The following CYBRD1 variants were observed in gnomAD, a reference collection of about 807,000 sequenced individuals.
CYBRD1 encodes the protein plasma membrane ascorbate-dependent reductase CYBRD1.
In CYBRD1, 14 loss-of-function variants were observed where a neutral mutation model predicts 21.9. That is an observed-to-expected ratio of 0.64 (90% CI 0.42 to 1.00). CYBRD1 has a LOEUF of 1.00. CYBRD1 is among the 50% of genes least tolerant of loss of function. The pLI is 0.00. For missense variants in CYBRD1, 328 were observed against 352.5 expected (o/e 0.93, Z 0.56); for synonymous variants, 146 against 136.5 (o/e 1.07, Z -0.48).
At chr2:171,525,821 C>T (rs903854369) in intron 1 of CYBRD1, among the ~76,000 whole-genome samples, 4 of 151,776 alleles carry the variant, frequency 2.6e-5, no homozygotes, top group South Asian at 2.1e-4. Context: ...GGCTCTGGGC[C>T]GGCACAGTCC....
At chr2:171,537,116 T>C (rs1270416783) in intron 1 of CYBRD1, among the ~76,000 whole-genome samples, 1 of 152,208 alleles carries the variant, frequency 6.6e-6, no homozygotes, top group African/African-American at 2.4e-5. Context: ...ACTTAGATGG[T>C]ACCTACTACC....
At chr2:171,528,695 A>C (rs961673674) in intron 1 of CYBRD1, among the ~76,000 whole-genome samples, 4 of 152,118 alleles carry the variant, frequency 2.6e-5, no homozygotes, top group Non-Finnish European at 5.9e-5. Flanking sequence ...CTGAACTCCA[A>C]ATCCAAATAT....
rs1683519687 is a variant in CYBRD1 at position 171,558,083 on chromosome 2, TA to T, written c.*3257del. ...TAATTTTGTAGGAAAAATATGCATCTATTTTTTCTTGACTTCTTTTATATAG... is the reference window on the plus strand; with the variant it reads ...TAATTTTGTAGGAAAAATATGCATCTTTTTTTCTTGACTTCTTTTATATAG... On this transcript the variant is annotated 3_prime_UTR_variant, in exon 4 of 4. Coordinates refer to ENST00000321348, the MANE Select transcript of CYBRD1 (RefSeq NM_024843.4). 1 of 151,880 alleles carries T rather than the reference TA, an allele frequency of 6.6e-6. No homozygotes were observed. The highest frequency in any genetic ancestry group is 2.1e-4 in the South Asian group (1 of 4,834). 9.4% of individuals were successfully genotyped at this position (151,880 alleles called of 1,614,324 possible).
chr2:171,531,395 G>A (rs1464484212), intron 1 of CYBRD1, among the ~76,000 whole-genome samples: 1 of 152,024 alleles, frequency 6.6e-6, no homozygotes, highest in Non-Finnish European at 1.5e-5. Flanking sequence ...ATACAGCTCG[G>A]TCTGCAAGCT....
chr2:171,547,274 C>T (rs1697730797), intron 2 of CYBRD1, among the ~76,000 whole-genome samples: 2 of 152,076 alleles, frequency 1.3e-5, no homozygotes, highest in South Asian at 4.2e-4. Flanking sequence ...AAAGCAATTT[C>T]CTGGCTTCCT....
chr2:171,556,284 G>T lies in CYBRD1; in HGVS notation c.*1457G>T, dbSNP rs953236019. On this transcript the variant is annotated 3_prime_UTR_variant, in exon 4 of 4. Coordinates refer to ENST00000321348, the MANE Select transcript of CYBRD1 (RefSeq NM_024843.4). Reference sequence around the variant, plus strand: ...TGCCCTTCCCTGGGGCAATAGCTAGGGTCTTTCCTGATTTTTATGGAATTT... The same window carrying T: ...TGCCCTTCCCTGGGGCAATAGCTAGTGTCTTTCCTGATTTTTATGGAATTT... The T allele has an allele frequency of 6.6e-6, 1 of 151,840 alleles. No homozygotes were observed. The highest frequency in any genetic ancestry group is 1.5e-5 in the Non-Finnish European group (1 of 67,994). The allele number at this position is 151,840 out of a possible 1,614,324, so 9.4% of individuals were successfully genotyped here. A position where few individuals can be genotyped will look rare whatever the true frequency, so the allele number is the denominator to read the frequency against.
Position 171,549,787 on chromosome 2 carries a change from C to T in CYBRD1, c.403-3559C>T, listed in dbSNP as rs963151522. Among the ~76,000 whole-genome samples, 6 of 152,316 alleles carry T rather than the reference C, an allele frequency of 3.9e-5. 1 individual carries two copies. In the South Asian group the frequency reaches 6.2e-4, roughly 16 times the overall value. On this transcript the variant is annotated intron_variant, in intron 2 of 3. Coordinates refer to ENST00000321348, the MANE Select transcript of CYBRD1 (RefSeq NM_024843.4). ...TTTTTCCTTAGCTCTTAAGAACTTC[C>T]ACTGTGTTGAAGAACAGCTTCCTGT...
chr2:171,534,357 T>C (rs1462961007), intron 1 of CYBRD1, among the ~76,000 whole-genome samples: 1 of 152,124 alleles, frequency 6.6e-6, no homozygotes, highest in Non-Finnish European at 1.5e-5. Flanking sequence ...GAATGGTGTC[T>C]AGGTAAGTGC....
At chr2:171,537,131 A>C (rs1697556964) in intron 1 of CYBRD1, among the ~76,000 whole-genome samples, 1 of 152,174 alleles carries the variant, frequency 6.6e-6, no homozygotes, top group African/African-American at 2.4e-5. Context: ...ACTACCTAGC[A>C]AGGACTCAAT....
chr2:171,555,817 G>A lies in CYBRD1; in HGVS notation c.*990G>A, dbSNP rs1403551295. The A allele has an allele frequency of 6.6e-6, 1 of 152,166 alleles. No homozygotes were observed. The highest frequency in any genetic ancestry group is 6.6e-5 in the Admixed American group (1 of 15,264). 9.4% of individuals were successfully genotyped at this position (152,166 alleles called of 1,614,324 possible). A position where few individuals can be genotyped will look rare whatever the true frequency, so the allele number is the denominator to read the frequency against. On this transcript the variant is annotated 3_prime_UTR_variant, in exon 4 of 4. Transcript: ENST00000321348. ...TGGGGAGGCTAGTAACTCACCCCAA[G>A]GTCACACGGCTCATACATGGTGGGA...
At chr2:171,537,877 G>C (rs1481058822) in intron 1 of CYBRD1, among the ~76,000 whole-genome samples, 1 of 152,172 alleles carries the variant, frequency 6.6e-6, no homozygotes, top group Non-Finnish European at 1.5e-5. Context: ...AAAGAAAAGA[G>C]TTTGAGGTGA....
chr2:171,522,581 G>A lies in CYBRD1; in HGVS notation c.36G>A (p.Leu12=). Residue 12 remains leucine, a synonymous_variant, in exon 1 of 4, where the codon CTG becomes CTA. Transcript: ENST00000321348. The surrounding 1 kb of genome is among the most constrained non-coding windows in gnomAD (Gnocchi z 4.3). ...AMEGYWRFLA[L]LGSALLVGFL... The stretch of plus-strand genomic sequence containing the variant: ...AGGGCTACTGGCGCTTCCTGGCGCT[G>A]CTGGGGTCGGCACTGCTCGTCGGCT... 1 of 1,610,872 alleles carries A rather than the reference G, an allele frequency of 6.2e-7. No homozygotes were observed. The highest frequency in any genetic ancestry group is 8.5e-7 in the Non-Finnish European group (1 of 1,179,004).
At chr2:171,536,223 C>T (rs1204840267) in intron 1 of CYBRD1, among the ~76,000 whole-genome samples, 2 of 150,624 alleles carry the variant, frequency 1.3e-5, no homozygotes, top group Non-Finnish European at 2.9e-5. Flanking sequence ...ACCTCAACCT[C>T]TGCCTCTCGG....
upstream of CYBRD1, chr2:171,522,397 C>T (rs563752977): frequency 6.3e-5 from 95 of 1,497,896 alleles, no homozygotes; most frequent in South Asian, 1.1e-3. The surrounding 1 kb of genome is among the most constrained non-coding windows in gnomAD (Gnocchi z 4.3). Context: ...CCCCACATTC[C>T]GGGCCAGCAG....
chr2:171,541,783 A>G lies in CYBRD1; in HGVS notation c.392A>G (p.Tyr131Cys), dbSNP rs1181512068. Reference protein sequence around the residue: ...SWVGLIAVICYLLQLLSGFSV... With the variant: ...SWVGLIAVICCLLQLLSGFSV... ...GTTGGACTGATAGCTGTCATATGCTATTTGTTACAGGTCAGTATTTCAGTG... is the reference window on the plus strand; with the variant it reads ...GTTGGACTGATAGCTGTCATATGCTGTTTGTTACAGGTCAGTATTTCAGTG... Residue 131 changes from tyrosine to cysteine, a missense_variant, in exon 2 of 4, where the codon TAT becomes TGT. Transcript: ENST00000321348. The G allele has an allele frequency of 3.1e-6, 5 of 1,609,230 alleles. No homozygotes were observed. The East Asian group carries it at 6.7e-5, about 22-fold the overall frequency.
Position 171,535,228 on chromosome 2 carries a change from T to A in CYBRD1, c.194-6357T>A, listed in dbSNP as rs79592415. 9.8e-4 allele frequency among the ~76,000 whole-genome samples: 149 copies of A among 152,254 alleles called. 1 individual carries two copies. Among genetic ancestry groups the A allele is most frequent in the African/African-American group, 3.4e-3 (142 of 41,538 alleles). On this transcript the variant is annotated intron_variant, in intron 1 of 3. Coordinates refer to ENST00000321348, the MANE Select transcript of CYBRD1 (RefSeq NM_024843.4). ...CAGGGACTCTCAAACCATAATTGTA[T>A]GGGCTCATTTGGATCAGAGGTGAGC...
intron 1 of CYBRD1, among the ~76,000 whole-genome samples, chr2:171,539,393 A>G (rs2105337569): frequency 6.6e-6 from 1 of 152,248 alleles, no homozygotes; most frequent in Admixed American, 6.5e-5. Context: ...CTGAGGTGGG[A>G]GGATCACCTG....
chr2:171,532,220 A>C (rs1054423069), intron 1 of CYBRD1, among the ~76,000 whole-genome samples: 1 of 152,224 alleles, frequency 6.6e-6, no homozygotes, highest in Non-Finnish European at 1.5e-5. Flanking sequence ...GTGGAGACTG[A>C]TAATCCTGTT....
At chr2:171,542,369 G>T (rs899486323) in intron 2 of CYBRD1, among the ~76,000 whole-genome samples, 3 of 152,008 alleles carry the variant, frequency 2.0e-5, no homozygotes, top group African/African-American at 7.3e-5. Context: ...GAAATATCAG[G>T]CTGGGCATGC....
Sources: allele counts gnomAD v4.1 joint callset (sites outside exome capture counted in the v4.1 genomes callset), GRCh38; gene constraint gnomAD v4.1.1; non-coding constraint Gnocchi (gnomAD v3.1); transcripts MANE v1.5; gene names NCBI Gene and HGNC (gene_info 2026-07-23, HGNC 2026-07-21).